UBE2E1: variants seen among roughly 807,000 people sequenced by gnomAD.
UBE2E1 encodes the protein ubiquitin-conjugating enzyme E2 E1.
In UBE2E1, 6 loss-of-function variants were observed where a neutral mutation model predicts 21.4. The observed-to-expected ratio is 0.28, with a 90% CI of 0.15 to 0.55. UBE2E1 has a LOEUF of 0.55. UBE2E1 is among the 20% of genes least tolerant of loss of function. UBE2E1 has a pLI of 0.93. For missense variants in UBE2E1, 142 were observed against 236.5 expected (o/e 0.60, Z 2.62); for synonymous variants, 87 against 82.7 (o/e 1.05, Z -0.28).
chr3:23,879,221 T>G, intron 3 of UBE2E1: 2 of 869,842 alleles, frequency 2.3e-6, no homozygotes. Flanking sequence ...CAATGCCATC[T>G]GTGCATCTGG....
chr3:23,886,330 A>G lies in UBE2E1; in HGVS notation c.204-1237A>G, dbSNP rs72627055. On this transcript the variant is annotated intron_variant, in intron 3 of 5. Coordinates refer to ENST00000306627, the MANE Select transcript of UBE2E1 (RefSeq NM_003341.5). ...GAGATACCCATGGGTGTGTTGCTCT[A>G]CAGTTTCCTTCTTTCTCTCACTTAA... Among the ~76,000 whole-genome samples, 799 of 152,348 alleles carry G rather than the reference A, an allele frequency of 5.2e-3. 17 individuals carry two copies. The highest frequency in any genetic ancestry group is 0.05 in the East Asian group (258 of 5,190).
intron 3 of UBE2E1, 122 bp downstream of exon 3, chr3:23,811,632 C>G: frequency 2.3e-6 from 2 of 859,838 alleles, no homozygotes; most frequent in Non-Finnish European, 3.7e-6. Flanking sequence ...GCACTAACAT[C>G]ACGTAACAGC....
At chr3:23,877,342 C>CT (rs768955506) in intron 3 of UBE2E1, among the ~76,000 whole-genome samples, 1 of 152,188 alleles carries the variant, frequency 6.6e-6, no homozygotes, top group Admixed American at 6.6e-5. Flanking sequence ...GCACTGGAGT[C>CT]TAACAGCTGG....
chr3:23,883,864 T>C (rs1400317009), intron 3 of UBE2E1, among the ~76,000 whole-genome samples: 1 of 143,282 alleles, frequency 7.0e-6, no homozygotes, highest in Non-Finnish European at 1.5e-5. Context: ...TGCAGTGAGC[T>C]GAGATCATGC....
At chr3:23,821,315 A>G (rs1699639405) in intron 3 of UBE2E1, among the ~76,000 whole-genome samples, 1 of 152,220 alleles carries the variant, frequency 6.6e-6, no homozygotes, top group Non-Finnish European at 1.5e-5. Flanking sequence ...AAAAGATAGG[A>G]AAGGAAATGG....
intron 3 of UBE2E1, among the ~76,000 whole-genome samples, chr3:23,850,376 T>C (rs1700296334): frequency 6.6e-6 from 1 of 152,196 alleles, no homozygotes; most frequent in Admixed American, 6.5e-5. Flanking sequence ...ACCCTGTCTG[T>C]GGGTTGTCTT....
intron 2 of UBE2E1, chr3:23,811,125 A>G (rs1206065739): frequency 8.9e-6 from 3 of 338,940 alleles, no homozygotes; most frequent in African/African-American, 2.1e-5. Context: ...GGAGAGGTGC[A>G]GGGGAGGGAC....
intron 5 of UBE2E1, chr3:23,889,534 T>C: frequency 7.2e-7 from 1 of 1,388,204 alleles, no homozygotes; most frequent in Non-Finnish European, 9.3e-7. Context: ...CCTCCTTTTT[T>C]TTTCCTGTTG....
rs1471374240 is a variant in UBE2E1 at position 23,863,277 on chromosome 3, G to A, written c.204-24290G>A. On this transcript the variant is annotated intron_variant, in intron 3 of 5. Transcript: ENST00000306627. This position sits in a 1 kb window ranked among gnomAD's most constrained non-coding sequence, Gnocchi z 4.3. Reference sequence around the variant, plus strand: ...CTCTTCCTTTATCCTGTTTTGCTTAGATCAATGTTGATAAAATATTCACTG... The same window carrying A: ...CTCTTCCTTTATCCTGTTTTGCTTAAATCAATGTTGATAAAATATTCACTG... Among the ~76,000 whole-genome samples the A allele has an allele frequency of 6.6e-6, 1 of 152,028 alleles. No homozygotes were observed. The highest frequency in any genetic ancestry group is 1.5e-5 in the Non-Finnish European group (1 of 68,022).
intron 3 of UBE2E1, among the ~76,000 whole-genome samples, chr3:23,846,197 C>T (rs1372038759): frequency 1.3e-5 from 2 of 152,204 alleles, no homozygotes; most frequent in Admixed American, 6.5e-5. Context: ...AAATGTCTTA[C>T]ATAAATCTAG....
At chr3:23,882,238 GAGAGCTGATTGGTC>G (rs1701061532) in intron 3 of UBE2E1, among the ~76,000 whole-genome samples, 1 of 133,756 alleles carries the variant, frequency 7.5e-6, no homozygotes, top group Non-Finnish European at 1.6e-5. Context: ...TGGTTTTACA[GAGAGCTGATTGGTC>G]TGCTTTGACA....
intron 3 of UBE2E1, among the ~76,000 whole-genome samples, chr3:23,832,970 G>A (rs1202618560): frequency 3.3e-5 from 5 of 152,170 alleles, no homozygotes; most frequent in African/African-American, 1.2e-4. Flanking sequence ...GGAGATTGAT[G>A]CTGCAGTGAG....
At chr3:23,851,898 G>A (rs1283576163) in intron 3 of UBE2E1, among the ~76,000 whole-genome samples, 3 of 152,224 alleles carry the variant, frequency 2.0e-5, no homozygotes, top group Non-Finnish European at 2.9e-5. Flanking sequence ...GGGGCCTGGT[G>A]GGAGGTGTTT....
rs551271086 is a variant in UBE2E1 at position 23,816,654 on chromosome 3, C to G, written c.203+5144C>G. Among the ~76,000 whole-genome samples, 1 of 152,084 alleles carries G rather than the reference C, an allele frequency of 6.6e-6. No homozygotes were observed. The highest frequency in any genetic ancestry group is 6.5e-5 in the Admixed American group (1 of 15,274). ...CCCAGGAGGCGGAGCTTGCTGTGAG[C>G]AGAGATCGCACCACTGCACTCCAGC... On this transcript the variant is annotated intron_variant, in intron 3 of 5. Transcript: ENST00000306627. The surrounding 1 kb of genome is among the most constrained non-coding windows in gnomAD (Gnocchi z 4.8).
chr3:23,887,639 G>C lies in UBE2E1; in HGVS notation c.276G>C (p.Glu92Asp). 6.2e-7 allele frequency: 1 copy of C among 1,614,092 alleles called. No individual in the cohort carries two copies. The highest frequency in any genetic ancestry group is 8.5e-7 in the Non-Finnish European group (1 of 1,180,022). Residue 92 changes from glutamate to aspartate, a missense_variant, in exon 4 of 6, where the codon GAG (glutamate) becomes GAC (aspartate). Glu to Asp is a conservative substitution (Grantham distance 45). Transcript: ENST00000306627. The surrounding 1 kb of genome is among the most constrained non-coding windows in gnomAD (Gnocchi z 4.4). ...TILGPPGSVY[E>D]GGVFFLDITF... ...TAGGGCCTCCAGGATCCGTGTATGA[G>C]GGTGGTGTATTCTTTCTCGATATCA...
chr3:23,857,747 G>T (rs1700472785), intron 3 of UBE2E1, among the ~76,000 whole-genome samples: 1 of 152,222 alleles, frequency 6.6e-6, no homozygotes, highest in African/African-American at 2.4e-5. Flanking sequence ...TGAACCTTCT[G>T]TGCTTATGGA....
In UBE2E1 at chr3:23,887,744, A is replaced by G. The variant is rs753685229; in HGVS notation, c.336+45A>G. ...GCTCAAATTTACTAATTCCCACAAG[A>G]GAGCAACTGTTGAGGTTTTTCTAAA... On this transcript the variant is annotated intron_variant, in intron 4 of 5. Coordinates refer to ENST00000306627, the MANE Select transcript of UBE2E1 (RefSeq NM_003341.5). The surrounding 1 kb of genome is among the most constrained non-coding windows in gnomAD (Gnocchi z 4.4). The G allele has an allele frequency of 8.3e-6, 13 of 1,571,760 alleles. No individual in the cohort carries two copies. The highest frequency in any genetic ancestry group is 1.1e-5 in the Non-Finnish European group (13 of 1,165,416).
At chr3:23,817,436 AAAGAAAG>A (rs1559475501) in intron 3 of UBE2E1, among the ~76,000 whole-genome samples, 9 of 141,264 alleles carry the variant, frequency 6.4e-5, no homozygotes, top group African/African-American at 2.1e-4. Flanking sequence ...AAAAAAAAAA[AAAGAAAG>A]AAAAGAAAAG....
intron 3 of UBE2E1, among the ~76,000 whole-genome samples, chr3:23,857,412 A>G (rs1301354315): frequency 6.6e-6 from 1 of 152,226 alleles, no homozygotes; most frequent in Non-Finnish European, 1.5e-5. Flanking sequence ...AGAAATTTTC[A>G]TGTGGGAAGA....
Sources: allele counts gnomAD v4.1 joint callset (sites outside exome capture counted in the v4.1 genomes callset), GRCh38; gene constraint gnomAD v4.1.1; non-coding constraint Gnocchi (gnomAD v3.1); transcripts MANE v1.5; gene names NCBI Gene and HGNC (gene_info 2026-07-23, HGNC 2026-07-21).